The following EPHA6 variants were observed in gnomAD, a reference collection of about 807,000 sequenced individuals.
The protein encoded by EPHA6 is ephrin type-A receptor 6.
A neutral mutation model predicts 112.0 loss-of-function variants in EPHA6; 50 were observed. The observed-to-expected ratio is 0.45, with a 90% confidence interval of 0.36 to 0.56. The LOEUF is 0.56. EPHA6 is among the 20% of genes least tolerant of loss of function. EPHA6 has a pLI of 0.00. For missense variants in EPHA6, 1,280 were observed against 1,417.4 expected (o/e 0.90, Z 1.56); for synonymous variants, 529 against 490.7 (o/e 1.08, Z -1.03).
At chr3:97,527,849 T>G (rs139683263) in intron 10 of EPHA6, among the ~76,000 whole-genome samples, 160 of 152,220 alleles carry the variant, frequency 1.1e-3, no homozygotes, top group African/African-American at 3.7e-3. Context: ...CTTGACCTGA[T>G]CTATTTGATA....
chr3:97,156,546 T>A (rs1001897361), intron 3 of EPHA6, among the ~76,000 whole-genome samples: 10 of 152,080 alleles, frequency 6.6e-5, no homozygotes, highest in African/African-American at 1.9e-4. Context: ...TGAAAAAAAA[T>A]TAATAAAATT....
Position 97,691,020 on chromosome 3 carries a change from G to C in EPHA6, c.2785-29241G>C, listed in dbSNP as rs563668893. Among the ~76,000 whole-genome samples, 7 of 152,168 alleles carry C rather than the reference G, an allele frequency of 4.6e-5. No homozygotes were observed. The South Asian group carries it at 1.5e-3, about 32-fold the overall frequency. On this transcript the variant is annotated intron_variant, in intron 14 of 17. Transcript: ENST00000389672. ...TCTAAGAAACAATTGTCTAATCCAA[G>C]GTCAAGAAAATTAACTATTGTGTTT...
chr3:96,930,455 A>G (rs932380528), intron 2 of EPHA6, among the ~76,000 whole-genome samples: 3 of 152,148 alleles, frequency 2.0e-5, no homozygotes, highest in Admixed American at 6.5e-5. Flanking sequence ...ACCCTTCTAT[A>G]GGGCTGCTGC....
intron 2 of EPHA6, among the ~76,000 whole-genome samples, chr3:96,964,565 G>A (rs575490046): frequency 3.3e-5 from 5 of 151,868 alleles, no homozygotes; most frequent in Admixed American, 1.3e-4. Flanking sequence ...TTTGTTATAC[G>A]ATCTGTGTTT....
At chr3:97,057,989 A>C (rs1426981565) in intron 3 of EPHA6, among the ~76,000 whole-genome samples, 1 of 152,166 alleles carries the variant, frequency 6.6e-6, no homozygotes, top group Non-Finnish European at 1.5e-5. Context: ...AATAATATTG[A>C]CTTTTATATG....
chr3:97,448,836 A>G (rs2090435509), intron 7 of EPHA6, 106 bp downstream of exon 7: 2 of 1,044,634 alleles, frequency 1.9e-6, no homozygotes, highest in Admixed American at 2.0e-5. Flanking sequence ...GCTTGTTTAA[A>G]TGAGATTTTG....
intron 8 of EPHA6, among the ~76,000 whole-genome samples, chr3:97,476,592 T>A (rs1193889296): frequency 6.6e-6 from 1 of 152,112 alleles, no homozygotes; most frequent in Non-Finnish European, 1.5e-5. Context: ...TATGAAAAAT[T>A]GTCTACAATT....
At chr3:96,953,904 ACT>A (rs1223593893) in intron 2 of EPHA6, among the ~76,000 whole-genome samples, 7 of 150,544 alleles carry the variant, frequency 4.6e-5, no homozygotes, top group Non-Finnish European at 1.0e-4. Flanking sequence ...ACATGGTCTG[ACT>A]CTGTCACTCA....
At chr3:97,548,558 T>G (rs888378252) in intron 11 of EPHA6, among the ~76,000 whole-genome samples, 10 of 152,234 alleles carry the variant, frequency 6.6e-5, no homozygotes, top group African/African-American at 2.2e-4. Context: ...CTCTCTTGCC[T>G]TCTGTATTTG....
At chr3:97,540,527 T>C (rs1462852448) in intron 11 of EPHA6, among the ~76,000 whole-genome samples, 1 of 152,224 alleles carries the variant, frequency 6.6e-6, no homozygotes, top group Admixed American at 6.5e-5. Context: ...TGTTTAAATA[T>C]CTGGGTTTTC....
intron 3 of EPHA6, among the ~76,000 whole-genome samples, chr3:97,196,511 T>C (rs866408794): frequency 6.6e-6 from 1 of 152,020 alleles, no homozygotes; most frequent in Non-Finnish European, 1.5e-5. Flanking sequence ...TTTTGTGAGG[T>C]CATGTTTTCC....
At chr3:97,191,961 A>T (rs983920438) in intron 3 of EPHA6, among the ~76,000 whole-genome samples, 2 of 152,042 alleles carry the variant, frequency 1.3e-5, no homozygotes, top group African/African-American at 4.8e-5. Flanking sequence ...GCATATGAAG[A>T]TTCCCTTTTC....
intron 2 of EPHA6, among the ~76,000 whole-genome samples, chr3:96,905,752 C>A (rs2038899491): frequency 6.6e-6 from 1 of 151,626 alleles, no homozygotes; most frequent in Admixed American, 6.6e-5. Context: ...GTGACAATAT[C>A]TGCAGATGCA....
intron 3 of EPHA6, among the ~76,000 whole-genome samples, chr3:97,225,926 C>T (rs2108543449): frequency 6.6e-6 from 1 of 152,308 alleles, no homozygotes; most frequent in African/African-American, 2.4e-5. Context: ...GACACAAAAT[C>T]ATTTTCCTTA....
chr3:97,325,418 T>A (rs558607306), intron 5 of EPHA6, among the ~76,000 whole-genome samples: 68 of 152,240 alleles, frequency 4.5e-4, no homozygotes, highest in Admixed American at 7.9e-4. Context: ...TGTAGAAATG[T>A]CTTATTTTTA....
intron 3 of EPHA6, among the ~76,000 whole-genome samples, chr3:97,205,334 A>T (rs929825759): frequency 6.6e-6 from 1 of 152,052 alleles, no homozygotes. Flanking sequence ...TGTTTGTTGA[A>T]TTATAAAGTG....
At chr3:96,886,612 G>C (rs373374678) in intron 2 of EPHA6, among the ~76,000 whole-genome samples, 2 of 152,130 alleles carry the variant, frequency 1.3e-5, no homozygotes, top group African/African-American at 4.8e-5. Context: ...ATAGTTGGTT[G>C]GTGAGTTCTT....
At chr3:97,160,810 C>G (rs918255764) in intron 3 of EPHA6, among the ~76,000 whole-genome samples, 1 of 152,118 alleles carries the variant, frequency 6.6e-6, no homozygotes, top group East Asian at 1.9e-4. Flanking sequence ...AGAGGATTCC[C>G]CTTCACCAGT....
chr3:97,582,675 G>A (rs1462173421), intron 11 of EPHA6, among the ~76,000 whole-genome samples: 2 of 152,098 alleles, frequency 1.3e-5, no homozygotes, highest in African/African-American at 2.4e-5. Context: ...AAGACTGATT[G>A]TGTTCCCTGA....
Sources: allele counts gnomAD v4.1 joint callset (sites outside exome capture counted in the v4.1 genomes callset), GRCh38; gene constraint gnomAD v4.1.1; transcripts MANE v1.5; gene names NCBI Gene and HGNC (gene_info 2026-07-23, HGNC 2026-07-21).